SNX29: variants seen among roughly 807,000 people sequenced by gnomAD.
SNX29 encodes the protein sorting nexin 29.
Under a neutral mutation model 102.1 loss-of-function variants are expected in SNX29, and 78 were observed. That is an observed-to-expected ratio of 0.76 (90% CI 0.64 to 0.92). The LOEUF (loss-of-function observed/expected upper bound fraction) is 0.92. Among genes scored for constraint, SNX29 ranks in the 40% least tolerant of loss-of-function variants. The probability of loss-of-function intolerance (pLI) is 0.00; values close to 1 mark genes in which losing one functional copy is unlikely to be tolerated. For synonymous variants in SNX29, 580 were observed against 414.5 expected (o/e 1.40, Z -4.85); for missense variants, 1,280 against 1,061.7 (o/e 1.21, Z -2.86).
chr16:11,999,387 T>G (rs913838456), intron 2 of SNX29, 29 bp downstream of exon 2: 1 of 1,611,814 alleles, frequency 6.2e-7, no homozygotes, highest in Admixed American at 1.7e-5. Context: ...TTTGCCTTTT[T>G]GGTCGAGTAA....
intron 13 of SNX29, among the ~76,000 whole-genome samples, chr16:12,179,996 C>T (rs1431616983): frequency 6.6e-6 from 1 of 152,136 alleles, no homozygotes; most frequent in Admixed American, 6.5e-5. Flanking sequence ...TTCTTTCAGT[C>T]TCTTTCAATG....
intron 13 of SNX29, among the ~76,000 whole-genome samples, chr16:12,172,253 A>G (rs887685443): frequency 1.3e-5 from 2 of 152,202 alleles, no homozygotes; most frequent in Non-Finnish European, 2.9e-5. Flanking sequence ...CTTCTTGGGA[A>G]TTCAAGATGG....
intron 15 of SNX29, among the ~76,000 whole-genome samples, chr16:12,327,747 A>G (rs1017550678): frequency 1.3e-5 from 2 of 151,834 alleles, no homozygotes; most frequent in African/African-American, 4.8e-5. Flanking sequence ...GAGAGAGGAA[A>G]CCAGAAGTCA....
chr16:12,033,207 G>A (rs1182781260), intron 4 of SNX29, among the ~76,000 whole-genome samples: 3 of 151,920 alleles, frequency 2.0e-5, no homozygotes, highest in Non-Finnish European at 4.4e-5. Flanking sequence ...TTGTATACAT[G>A]GGGAGAACCA....
intron 11 of SNX29, among the ~76,000 whole-genome samples, chr16:12,113,344 C>T (rs2053570542): frequency 6.6e-6 from 1 of 152,098 alleles, no homozygotes; most frequent in African/African-American, 2.4e-5. Context: ...GAGGTAGAGT[C>T]GCCGAGCCGG....
chr16:12,495,375 T>A (rs2088770928), intron 19 of SNX29, among the ~76,000 whole-genome samples: 1 of 152,088 alleles, frequency 6.6e-6, no homozygotes, highest in Non-Finnish European at 1.5e-5. Flanking sequence ...CTCGAACTCC[T>A]GACCTCAAGT....
chr16:12,270,713 C>T (rs185117819), intron 14 of SNX29, among the ~76,000 whole-genome samples: 2 of 152,170 alleles, frequency 1.3e-5, no homozygotes, highest in East Asian at 3.9e-4. Context: ...ATATCACCAT[C>T]TCCGTCACTT....
chr16:12,351,797 C>T (rs1027575960), intron 15 of SNX29, among the ~76,000 whole-genome samples: 2 of 152,088 alleles, frequency 1.3e-5, no homozygotes, highest in Non-Finnish European at 2.9e-5. Flanking sequence ...TGCTTTCCCC[C>T]ATCTTTTAGG....
At chr16:12,345,975 C>T (rs920850395) in intron 15 of SNX29, among the ~76,000 whole-genome samples, 11 of 152,284 alleles carry the variant, frequency 7.2e-5, no homozygotes, top group South Asian at 4.1e-4. Flanking sequence ...GCTTCAGCAG[C>T]CACCAACCCA....
At chr16:12,524,936 A>T in intron 20 of SNX29, 95 bp downstream of exon 20, 1 of 1,524,798 alleles carries the variant, frequency 6.6e-7, no homozygotes. Flanking sequence ...GCTCTCCGTG[A>T]TGCCCTGATC....
intron 14 of SNX29, among the ~76,000 whole-genome samples, chr16:12,246,597 G>A (rs1020007080): frequency 6.6e-6 from 1 of 152,120 alleles, no homozygotes; most frequent in Non-Finnish European, 1.5e-5. Flanking sequence ...CCGAGATCGT[G>A]CCACTGGGTG....
rs147052454 is a variant in SNX29 at position 12,572,350 on chromosome 16, G to A, written c.*3721G>A. 145 of 1,063,052 alleles carry A rather than the reference G, an allele frequency of 1.4e-4. 1 individual carries two copies. The African/African-American group carries it at 2.1e-3, about 15-fold the overall frequency. The allele number at this position is 1,063,052 out of a possible 1,614,324, so 65.9% of individuals were successfully genotyped here. On this transcript the variant is annotated 3_prime_UTR_variant, in exon 21 of 21. Coordinates refer to ENST00000566228, the MANE Select transcript of SNX29 (RefSeq NM_032167.5). ...AAGCCCACCAGCCTGCCTGGTTGATGGACAGCAGGCTCTGCCTTCTGGAGG... is the reference window on the plus strand; with the variant it reads ...AAGCCCACCAGCCTGCCTGGTTGATAGACAGCAGGCTCTGCCTTCTGGAGG...
chr16:12,015,825 CTG>C (rs1460496308), intron 3 of SNX29, among the ~76,000 whole-genome samples: 3 of 151,578 alleles, frequency 2.0e-5, no homozygotes, highest in African/African-American at 7.3e-5. Flanking sequence ...GCCTGAGCCA[CTG>C]TGCCCAGCCT....
chr16:12,039,479 C>T (rs1289097167), intron 4 of SNX29, among the ~76,000 whole-genome samples: 2 of 152,194 alleles, frequency 1.3e-5, no homozygotes, highest in African/African-American at 4.8e-5. Flanking sequence ...CGGTTCACAG[C>T]TCCCAGGAAG....
intron 20 of SNX29, chr16:12,526,478 C>T (rs972092630): frequency 1.0e-5 from 5 of 484,152 alleles, no homozygotes; most frequent in South Asian, 4.7e-5. Flanking sequence ...TAAGAGGTGC[C>T]TTTTTGTCCT....
At chr16:12,170,492 T>A (rs1219193) in intron 13 of SNX29, among the ~76,000 whole-genome samples, 15,354 of 151,540 alleles carry the variant, frequency 0.1, 2,594 homozygotes, top group African/African-American at 0.35. Context: ...TGTGCCTGCC[T>A]GCTGGTATGC....
chr16:12,253,531 T>G (rs2078482422), intron 14 of SNX29, among the ~76,000 whole-genome samples: 1 of 152,020 alleles, frequency 6.6e-6, no homozygotes, highest in Non-Finnish European at 1.5e-5. Flanking sequence ...TGAACTTTGT[T>G]GAGAAGGCGT....
intron 15 of SNX29, among the ~76,000 whole-genome samples, chr16:12,287,955 A>G (rs2079653348): frequency 6.6e-6 from 1 of 152,166 alleles, no homozygotes; most frequent in Non-Finnish European, 1.5e-5. Flanking sequence ...TTTTCATGGC[A>G]TTTTATGAAA....
chr16:12,377,629 G>T (rs1363645388), intron 16 of SNX29, among the ~76,000 whole-genome samples: 2 of 152,142 alleles, frequency 1.3e-5, no homozygotes, highest in Admixed American at 6.5e-5. Context: ...TGTGCGCCCG[G>T]TACGTAGTAG....
Sources: gnomAD v4.1 joint callset for allele counts (sites outside exome capture counted in the v4.1 genomes callset) on GRCh38, gnomAD v4.1.1 for gene constraint, MANE v1.5 for transcripts, NCBI Gene and HGNC (gene_info 2026-07-23, HGNC 2026-07-21) for gene names.